Variants in DAB1 observed in about 807,000 individuals in gnomAD.
The protein encoded by DAB1 is disabled homolog 1.
In DAB1, 15 loss-of-function variants were observed where a neutral mutation model predicts 64.6. The ratio of observed to expected loss-of-function variants is 0.23; its 90% CI spans 0.16 to 0.36. The LOEUF (loss-of-function observed/expected upper bound fraction) is 0.36. Among genes scored for constraint, DAB1 ranks in the 10% least tolerant of loss-of-function variants. The probability of loss-of-function intolerance (pLI) is 1.00; values close to 1 mark genes in which losing one functional copy is unlikely to be tolerated. For synonymous variants in DAB1, 235 were observed against 251.9 expected (o/e 0.93, Z 0.64); for missense variants, 596 against 706.7 (o/e 0.84, Z 1.78).
intron 3 of DAB1, among the ~76,000 whole-genome samples, chr1:57,136,988 A>C (rs1658183819): frequency 6.6e-6 from 1 of 152,160 alleles, no homozygotes; most frequent in Admixed American, 6.6e-5. Flanking sequence ...GTTTTATATT[A>C]GATATGGTTT....
Position 57,969,824 on chromosome 1 carries a change from T to C in DAB1, n.388-85662A>G, listed in dbSNP as rs567699498. ...TCTAGTTAAATGGGGATTTACACTC[T>C]TCTACTTTAGATCAGTTTTGTGCTT... On this transcript the variant is annotated intron_variant and non_coding_transcript_variant, in intron 5 of 20. Coordinates refer to the DAB1 transcript ENST00000485760. 3.7e-4 allele frequency among the ~76,000 whole-genome samples: 56 copies of C among 152,292 alleles called. No homozygotes were observed. The South Asian group carries it at 0.012, about 32-fold the overall frequency.
chr1:57,928,320 A>C (rs1036104615), intron 5 of DAB1, among the ~76,000 whole-genome samples: 2 of 151,914 alleles, frequency 1.3e-5, no homozygotes, highest in African/African-American at 4.8e-5. Flanking sequence ...TTGGGTTCAC[A>C]ATAAAATTCA....
intron 1 of DAB1, among the ~76,000 whole-genome samples, chr1:57,293,505 G>C (rs1392779212): frequency 6.6e-6 from 1 of 152,154 alleles, no homozygotes; most frequent in Non-Finnish European, 1.5e-5. Context: ...TTGGAAGAGT[G>C]TCTGGCATGC....
intron 2 of DAB1, among the ~76,000 whole-genome samples, chr1:57,249,959 G>A (rs1243287730): frequency 6.6e-6 from 1 of 152,098 alleles, no homozygotes; most frequent in African/African-American, 2.4e-5. Flanking sequence ...AATATACACA[G>A]GTTTACCTTC....
In DAB1 at chr1:58,478,647, A is replaced by G. The variant is rs368922088; in HGVS notation, n.257+27413T>C. 1.8e-3 allele frequency among the ~76,000 whole-genome samples: 271 copies of G among 152,270 alleles called. 6 individuals are homozygous for G. In the South Asian group the frequency reaches 0.053, roughly 30 times the overall value. ...TCCTTTGAACAGATAATTATTGTACAGTGTCAATGTTAATTGAATGCCTAT... is the reference window on the plus strand; with the variant it reads ...TCCTTTGAACAGATAATTATTGTACGGTGTCAATGTTAATTGAATGCCTAT... On this transcript the variant is annotated intron_variant and non_coding_transcript_variant, in intron 3 of 20. Coordinates refer to the DAB1 transcript ENST00000485760.
intron 3 of DAB1, among the ~76,000 whole-genome samples, chr1:58,350,038 C>A (rs1644036744): frequency 6.6e-6 from 1 of 152,198 alleles, no homozygotes; most frequent in African/African-American, 2.4e-5. Flanking sequence ...GCCACACTGT[C>A]TTCCACAATG....
At chr1:57,142,649 C>T (rs939399425) in intron 3 of DAB1, among the ~76,000 whole-genome samples, 2 of 151,546 alleles carry the variant, frequency 1.3e-5, no homozygotes, top group Non-Finnish European at 2.9e-5. Flanking sequence ...CACACACACA[C>T]GGTTGGCAGC....
intron 3 of DAB1, among the ~76,000 whole-genome samples, chr1:58,449,102 A>T (rs1017761480): frequency 1.3e-5 from 2 of 152,250 alleles, no homozygotes; most frequent in Non-Finnish European, 2.9e-5. Flanking sequence ...CGCGTGCATG[A>T]ATGAATAAAT....
chr1:57,513,907 C>T (rs1276464435), intron 7 of DAB1, among the ~76,000 whole-genome samples: 1 of 149,282 alleles, frequency 6.7e-6, no homozygotes, highest in African/African-American at 2.6e-5. Flanking sequence ...TCTAAAAGTT[C>T]CACTTTTTTT....
intron 5 of DAB1, among the ~76,000 whole-genome samples, chr1:57,962,700 A>G (rs1461822891): frequency 6.7e-6 from 1 of 148,170 alleles, no homozygotes; most frequent in Admixed American, 6.7e-5. Context: ...AATCTCTACA[A>G]TTTTTTTTTT....
Position 57,968,679 on chromosome 1 carries a change from C to G in DAB1, n.388-84517G>C, listed in dbSNP as rs578185414. 2.4e-3 allele frequency among the ~76,000 whole-genome samples: 372 copies of G among 152,240 alleles called. 1 individual carries two copies. Among genetic ancestry groups the G allele is most frequent in the Middle Eastern group, 0.014 (4 of 294 alleles). On this transcript the variant is annotated intron_variant and non_coding_transcript_variant, in intron 5 of 20. Transcript: ENST00000485760. ...TCTTTCTGACCCTTAAGTTTCTCATCTAAAAAAATGAGAGATGGGTTAGAA... is the reference window on the plus strand; with the variant it reads ...TCTTTCTGACCCTTAAGTTTCTCATGTAAAAAAATGAGAGATGGGTTAGAA...
intron 3 of DAB1, among the ~76,000 whole-genome samples, chr1:58,384,086 C>A (rs1644413108): frequency 6.6e-6 from 1 of 151,458 alleles, no homozygotes; most frequent in Non-Finnish European, 1.5e-5. Flanking sequence ...GCCATTGAAA[C>A]TGATGTGGAA....
In DAB1 at chr1:58,137,176, G is replaced by A. The variant is rs190039503; in HGVS notation, n.387+13335C>T. Among the ~76,000 whole-genome samples the A allele has an allele frequency of 2.2e-3, 332 of 152,104 alleles. 4 individuals are homozygous for A. Among genetic ancestry groups the A allele is most frequent in the African/African-American group, 7.6e-3 (315 of 41,508 alleles). On this transcript the variant is annotated intron_variant and non_coding_transcript_variant, in intron 5 of 20. Transcript: ENST00000485760. ...ATATTGCTCTACTTTCTACTCCATG[G>A]GGTCATAGAATTACAAGACTAAAAT...
At chr1:58,081,073 A>G (rs1649966667) in intron 5 of DAB1, among the ~76,000 whole-genome samples, 1 of 152,226 alleles carries the variant, frequency 6.6e-6, no homozygotes, top group Non-Finnish European at 1.5e-5. Context: ...CAAGAAAGCC[A>G]GTACCCACAG....
At chr1:57,208,404 G>A (rs1665756840) in intron 2 of DAB1, among the ~76,000 whole-genome samples, 1 of 152,170 alleles carries the variant, frequency 6.6e-6, no homozygotes, top group Non-Finnish European at 1.5e-5. Flanking sequence ...AGTGAGGGAT[G>A]AGCATCTGCT....
chr1:57,039,615 C>T (rs557771893), intron 9 of DAB1, among the ~76,000 whole-genome samples: 1 of 152,294 alleles, frequency 6.6e-6, no homozygotes, highest in South Asian at 2.1e-4. Context: ...TCATTCCACC[C>T]ACCCCACCCT....
At chr1:57,267,016 C>T (rs1670636227) in intron 2 of DAB1, among the ~76,000 whole-genome samples, 1 of 152,088 alleles carries the variant, frequency 6.6e-6, no homozygotes, top group Non-Finnish European at 1.5e-5. Flanking sequence ...ATGTCCTAAT[C>T]TACCAATCCT....
intron 1 of DAB1, among the ~76,000 whole-genome samples, chr1:57,353,292 T>C (rs1370373197): frequency 1.3e-5 from 2 of 152,044 alleles, no homozygotes; most frequent in Non-Finnish European, 2.9e-5. Context: ...CCAGACACCA[T>C]GCTAGACCTG....
At chr1:58,061,210 G>C (rs988164292) in intron 5 of DAB1, among the ~76,000 whole-genome samples, 1 of 152,206 alleles carries the variant, frequency 6.6e-6, no homozygotes, top group Non-Finnish European at 1.5e-5. Flanking sequence ...CCACGGGTGA[G>C]TTCTAGCTTT....
Sources: allele counts gnomAD v4.1 joint callset (sites outside exome capture counted in the v4.1 genomes callset), GRCh38; gene constraint gnomAD v4.1.1; transcripts MANE v1.5; gene names NCBI Gene and HGNC (gene_info 2026-07-23, HGNC 2026-07-21).